The following DDC variants were observed in gnomAD, a reference collection of about 807,000 sequenced individuals.
DDC encodes dopa decarboxylase, also known as aromatic-L-amino-acid decarboxylase.
A neutral mutation model predicts 60.0 loss-of-function variants in DDC; 43 were observed. The observed-to-expected ratio is 0.72, with a 90% CI of 0.56 to 0.92. The LOEUF is 0.92. DDC is among the 40% of genes least tolerant of loss of function. The pLI is 0.00. For synonymous variants in DDC, 232 were observed against 234.6 expected (o/e 0.99, Z 0.10); for missense variants, 573 against 620.2 (o/e 0.92, Z 0.81).
At chr7:50,528,057 C>T (rs2044088205) in intron 6 of DDC, 80 bp downstream of exon 6, 5 of 1,530,372 alleles carry the variant, frequency 3.3e-6, no homozygotes, top group Non-Finnish European at 4.5e-6. Context: ...CCACCATGCC[C>T]GGCTAATTTT....
chr7:50,476,587 A>G (rs772036384), intron 11 of DDC, 37 bp downstream of exon 11: 2 of 1,589,992 alleles, frequency 1.3e-6, no homozygotes, highest in African/African-American at 1.3e-5. Flanking sequence ...CCAGCACTCC[A>G]CTAGCATTTG....
chr7:50,472,621 A>G (rs939712356), intron 11 of DDC, among the ~76,000 whole-genome samples: 2 of 152,074 alleles, frequency 1.3e-5, no homozygotes, highest in Non-Finnish European at 2.9e-5. Context: ...CTCCTCCCCT[A>G]TGAAACAGGC....
chr7:50,504,109 G>A (rs374204258), intron 6 of DDC, 50 bp from the exon 7 acceptor site: 66 of 1,341,700 alleles, frequency 4.9e-5, no homozygotes, highest in Non-Finnish European at 5.9e-5. Flanking sequence ...GCCAGTCACC[G>A]CTGTAACCTC....
At chr7:50,518,986 T>C (rs538986150) in intron 6 of DDC, among the ~76,000 whole-genome samples, 502 of 152,268 alleles carry the variant, frequency 3.3e-3, no homozygotes, top group Non-Finnish European at 5.4e-3. Flanking sequence ...TCACAATCTA[T>C]ACATCTGACA....
At chr7:50,509,352 A>G (rs1351387171) in intron 6 of DDC, among the ~76,000 whole-genome samples, 1 of 152,200 alleles carries the variant, frequency 6.6e-6, no homozygotes, top group Admixed American at 6.5e-5. Flanking sequence ...TTCCTCAAAG[A>G]AAATAAAATT....
intron 8 of DDC, among the ~76,000 whole-genome samples, chr7:50,498,596 C>T (rs928854607): frequency 4.6e-5 from 7 of 152,168 alleles, no homozygotes; most frequent in African/African-American, 1.2e-4. Flanking sequence ...TTTGGAGAAG[C>T]GGAGTGCTGG....
chr7:50,557,079 A>G (rs1285082691), intron 1 of DDC, among the ~76,000 whole-genome samples: 2 of 152,238 alleles, frequency 1.3e-5, no homozygotes, highest in Non-Finnish European at 2.9e-5. Flanking sequence ...GACAGGCAGA[A>G]GCCTCTTCTC....
chr7:50,493,292 G>A (rs1265567921), intron 9 of DDC, among the ~76,000 whole-genome samples: 2 of 152,154 alleles, frequency 1.3e-5, no homozygotes, highest in African/African-American at 2.4e-5. Flanking sequence ...GCCTCAGGGC[G>A]CACGAGAACC....
chr7:50,470,046 C>T lies in DDC; in HGVS notation c.1140+27G>A, dbSNP rs185203909. The T allele has an allele frequency of 2.0e-5, 28 of 1,432,570 alleles. No homozygotes were observed. The African/African-American group carries it at 2.0e-4, about 10-fold the overall frequency. 88.7% of individuals were successfully genotyped at this position (1,432,570 alleles called of 1,614,324 possible). ...TCCCGAAAGACCTCCGCAATTTTAC[C>T]GTGATAAATAATAAAAACAAAGTCA... On this transcript the variant is annotated intron_variant, in intron 12 of 14. Coordinates refer to ENST00000444124, the MANE Select transcript of DDC (RefSeq NM_001082971.2).
At chr7:50,564,662 A>G (rs1055419814) in intron 1 of DDC, among the ~76,000 whole-genome samples, 5 of 152,194 alleles carry the variant, frequency 3.3e-5, no homozygotes, top group African/African-American at 1.2e-4. Context: ...TCCCAATAGA[A>G]ATTCCTATCC....
chr7:50,483,668 C>T (rs569201895), intron 9 of DDC, among the ~76,000 whole-genome samples: 6 of 152,004 alleles, frequency 3.9e-5, no homozygotes, highest in East Asian at 1.9e-4. Flanking sequence ...TTTGGGAGGC[C>T]GAGGCGGGAG....
chr7:50,492,492 C>T (rs118078066), intron 9 of DDC, among the ~76,000 whole-genome samples: 2,918 of 152,236 alleles, frequency 0.019, 165 homozygotes, highest in Admixed American at 0.12. Flanking sequence ...AATTTAAAAA[C>T]ATATTTTGTA....
rs2044093784 is a variant in DDC, at chr7:50,528,172, C to T, written c.679G>A (p.Glu227Lys). ...MRASALQEALERDKAAGLIPF... is the reference protein window; with the variant it reads ...MRASALQEALKRDKAAGLIPF... ...ATCAGGCCAGCCGCTTTGTCTCTCT[C>T]CAGGGCTTCCTGCAGGGCAGACGCA... The change falls in exon 6 of 15, where the codon GAG (glutamate) becomes AAG (lysine). Residue 227 changes from glutamate to lysine, a missense_variant. Glu to Lys is a moderately conservative substitution (Grantham distance 56, BLOSUM62 1). Coordinates refer to ENST00000444124, the MANE Select transcript of DDC (RefSeq NM_001082971.2). 6.2e-7 allele frequency: 1 copy of T among 1,613,602 alleles called. No individual in the cohort carries two copies. Among genetic ancestry groups the T allele is most frequent in the East Asian group, 2.2e-5 (1 of 44,892 alleles).
At position 50,537,980 on chromosome 7, in the gene DDC, C is replaced by T. The variant is rs760419372; in HGVS notation, c.316-1G>A. ...GCTCTGTGCATGCTGGGCTTGCCGC[C>T]TGTCGTGGGGGAAGGGAAGGGATTA... On this transcript the variant is annotated splice_acceptor_variant, in intron 3 of 14. Coordinates refer to ENST00000444124, the MANE Select transcript of DDC (RefSeq NM_001082971.2). LOFTEE classifies it high-confidence loss of function. 1.2e-6 allele frequency: 2 copies of T among 1,614,184 alleles called. No individual in the cohort carries two copies. The highest frequency in any genetic ancestry group is 1.7e-6 in the Non-Finnish European group (2 of 1,180,032).
At chr7:50,561,842 C>A (rs943277658) in intron 1 of DDC, among the ~76,000 whole-genome samples, 1 of 152,120 alleles carries the variant, frequency 6.6e-6, no homozygotes, top group African/African-American at 2.4e-5. Context: ...GGTGCCCCTG[C>A]CCCGACCACA....
In DDC at chr7:50,539,901, A is replaced by G. The variant is rs201015793; in HGVS notation, c.315+14T>C. On this transcript the variant is annotated intron_variant, in intron 3 of 14. Transcript: ENST00000444124. ...CAGCCAGGACCCCTTCCCGAGGTGC[A>G]TCCGGACCCTCACCCAGGAGAAGCC... 1.2e-5 allele frequency: 19 copies of G among 1,607,078 alleles called. No individual in the cohort carries two copies. The African/African-American group carries it at 1.9e-4, about 16-fold the overall frequency.
chr7:50,467,181 A>C, intron 13 of DDC, 33 bp downstream of exon 13: 1 of 1,556,306 alleles, frequency 6.4e-7, no homozygotes, highest in South Asian at 1.1e-5. Context: ...TCACATTCAC[A>C]GAAAATGAAG....
chr7:50,565,077 C>T (rs1178833622), intron 1 of DDC, among the ~76,000 whole-genome samples: 1 of 152,182 alleles, frequency 6.6e-6, no homozygotes, highest in African/African-American at 2.4e-5. Context: ...ACTGGAGTGA[C>T]TGTGTGTGCA....
At chr7:50,491,854 C>T (rs1419063476) in intron 9 of DDC, among the ~76,000 whole-genome samples, 2 of 152,110 alleles carry the variant, frequency 1.3e-5, no homozygotes, top group African/African-American at 2.4e-5. Context: ...TAAATACTGC[C>T]GGCCTCAAAA....
Sources: gnomAD v4.1 joint callset for allele counts (sites outside exome capture counted in the v4.1 genomes callset) on GRCh38, gnomAD v4.1.1 for gene constraint, MANE v1.5 for transcripts, NCBI Gene and HGNC (gene_info 2026-07-23, HGNC 2026-07-21) for gene names.